Variants in LDAH observed in about 807,000 individuals in gnomAD.
LDAH encodes lipid droplet associated hydrolase.
LDAH carries 26 observed loss-of-function variants against 29.6 expected under a neutral mutation model. The ratio of observed to expected loss-of-function variants is 0.88; its 90% CI spans 0.64 to 1.22. LDAH has a LOEUF of 1.22. LDAH is among the 50% of genes most tolerant of loss of function. LDAH has a pLI of 0.00. For synonymous variants in LDAH, 117 were observed against 133.0 expected, an observed-to-expected ratio of 0.88 and a Z score of 0.83; for missense variants, 344 against 387.3, an observed-to-expected ratio of 0.89 and a Z score of 0.94.
chr2:20,734,474 T>C (rs1418033208), intron 5 of LDAH, among the ~76,000 whole-genome samples: 1 of 152,316 alleles, frequency 6.6e-6, no homozygotes, highest in East Asian at 1.9e-4. Flanking sequence ...TTCTAGGTAC[T>C]ACATTACATA....
chr2:20,764,914 C>G (rs998619363), intron 4 of LDAH, among the ~76,000 whole-genome samples: 1 of 152,132 alleles, frequency 6.6e-6, no homozygotes, highest in Non-Finnish European at 1.5e-5. Context: ...GTTAAAATAC[C>G]TTGTTACATG....
Position 20,778,420 on chromosome 2 carries a change from CCA to C in LDAH, c.299-3443_299-3442del, listed in dbSNP as rs148488782. Among the ~76,000 whole-genome samples, 1,279 of 152,214 alleles carry C rather than the reference CCA, an allele frequency of 8.4e-3. 18 individuals are homozygous for C. The highest frequency in any genetic ancestry group is 0.027 in the African/African-American group (1,137 of 41,520). On this transcript the variant is annotated intron_variant, in intron 3 of 6. Transcript: ENST00000237822. Reference sequence around the variant, plus strand: ...TGTCTAATCGTTCAAATTTGCTGCTCCAGTTATTAAAGTTATTAAGCAGTCAT... The same window carrying C: ...TGTCTAATCGTTCAAATTTGCTGCTCGTTATTAAAGTTATTAAGCAGTCAT...
chr2:20,711,761 C>T (rs1013091436), intron 5 of LDAH, among the ~76,000 whole-genome samples: 6 of 152,242 alleles, frequency 3.9e-5, no homozygotes, highest in East Asian at 1.9e-4. Context: ...GCGGGTCCCA[C>T]GCCCACAGAG....
intron 1 of LDAH, among the ~76,000 whole-genome samples, chr2:20,811,898 T>C (rs1253507907): frequency 6.6e-6 from 1 of 152,160 alleles, no homozygotes; most frequent in Non-Finnish European, 1.5e-5. Context: ...CCTGTTTAGA[T>C]TATTTTGATA....
intron 4 of LDAH, among the ~76,000 whole-genome samples, chr2:20,753,519 T>G (rs1444135543): frequency 6.6e-6 from 1 of 152,220 alleles, no homozygotes; most frequent in Non-Finnish European, 1.5e-5. Flanking sequence ...TTAATGGCAG[T>G]TTTTACTTCT....
Position 20,708,568 on chromosome 2 carries a change from G to A in LDAH, c.704-6916C>T, listed in dbSNP as rs1288575355. On this transcript the variant is annotated intron_variant, in intron 5 of 6. Transcript: ENST00000237822. ...GATCAGTCAAAACTGATGCAGAAAT[G>A]ACAAAGATAATAAAATTAATAAACA... 2.6e-5 allele frequency among the ~76,000 whole-genome samples: 4 copies of A among 152,176 alleles called. No individual in the cohort carries two copies. The East Asian group carries it at 5.8e-4, about 22-fold the overall frequency.
chr2:20,774,786 A>G (rs200241987), intron 4 of LDAH, 24 bp downstream of exon 4: 74 of 1,611,214 alleles, frequency 4.6e-5, no homozygotes, highest in Non-Finnish European at 5.1e-6. Flanking sequence ...CAGCACCCAC[A>G]GTTACCTCTG....
At chr2:20,724,501 T>C (rs1572482560) in intron 5 of LDAH, among the ~76,000 whole-genome samples, 1 of 152,288 alleles carries the variant, frequency 6.6e-6, no homozygotes. Flanking sequence ...GTTACTCAGC[T>C]AGTGCTTTGG....
At chr2:20,796,804 A>G (rs1193049394) in intron 2 of LDAH, among the ~76,000 whole-genome samples, 1 of 152,144 alleles carries the variant, frequency 6.6e-6, no homozygotes, top group Non-Finnish European at 1.5e-5. Flanking sequence ...TAAGAACCAC[A>G]GGCCTAGTAT....
At position 20,760,329 on chromosome 2, in the gene LDAH, C is replaced by G. The variant is rs554113109; in HGVS notation, c.468+14481G>C. Among the ~76,000 whole-genome samples, 7 of 152,292 alleles carry G rather than the reference C, an allele frequency of 4.6e-5. No individual in the cohort carries two copies. The South Asian group carries it at 1.5e-3, about 32-fold the overall frequency. On this transcript the variant is annotated intron_variant, in intron 4 of 6. Coordinates refer to ENST00000237822, the MANE Select transcript of LDAH (RefSeq NM_021925.4). ...TTCCTGCAAAGAAAACAAGGAGTTG[C>G]TATTACCCTTTTACTTTCTTCTTGA...
chr2:20,810,433 C>CCCAT (rs1342836602), intron 1 of LDAH, among the ~76,000 whole-genome samples: 2 of 152,244 alleles, frequency 1.3e-5, no homozygotes, highest in South Asian at 4.2e-4. Context: ...TAGACAGAAG[C>CCCAT]CCATCAATAT....
intron 3 of LDAH, among the ~76,000 whole-genome samples, chr2:20,788,375 C>T (rs1462124026): frequency 1.3e-5 from 2 of 152,060 alleles, no homozygotes; most frequent in Admixed American, 6.5e-5. Context: ...TTTATTGCCA[C>T]CACATTCAAA....
intron 5 of LDAH, among the ~76,000 whole-genome samples, chr2:20,703,017 G>T (rs763412306): frequency 7.2e-5 from 11 of 152,128 alleles, no homozygotes; most frequent in African/African-American, 1.2e-4. Context: ...GTAGAGACAG[G>T]GTTTCACCAT....
At chr2:20,764,598 C>A (rs774203151) in intron 4 of LDAH, among the ~76,000 whole-genome samples, 7 of 152,232 alleles carry the variant, frequency 4.6e-5, no homozygotes, top group Non-Finnish European at 8.8e-5. Flanking sequence ...TCTCTCTGAA[C>A]TCCTCCCAAT....
rs558306851 is a variant in LDAH, at chr2:20,754,923, G to A, written c.469-14718C>T. ...GGAAAATGCTATCAAGGACATTAGT[G>A]GGCCAAATGACAAAATGGGAATATG... is the stretch of plus-strand genomic sequence containing the variant. On this transcript the variant is annotated intron_variant, in intron 4 of 6. Coordinates refer to ENST00000237822, the MANE Select transcript of LDAH (RefSeq NM_021925.4). 1.2e-3 allele frequency among the ~76,000 whole-genome samples: 179 copies of A among 152,154 alleles called. 2 individuals carry two copies. The highest frequency in any genetic ancestry group is 4.0e-3 in the African/African-American group (167 of 41,482).
chr2:20,753,433 T>C (rs1319668120), intron 4 of LDAH, among the ~76,000 whole-genome samples: 3 of 152,224 alleles, frequency 2.0e-5, no homozygotes, highest in African/African-American at 4.8e-5. Context: ...GCTGATGGGA[T>C]ACATTTTCAA....
At chr2:20,741,582 C>G (rs1342889891) in intron 4 of LDAH, among the ~76,000 whole-genome samples, 1 of 152,178 alleles carries the variant, frequency 6.6e-6, no homozygotes, top group Non-Finnish European at 1.5e-5. Flanking sequence ...TTACTTCTGT[C>G]TATTTGAGGC....
intron 2 of LDAH, among the ~76,000 whole-genome samples, chr2:20,794,007 G>A (rs1275430930): frequency 2.6e-5 from 4 of 152,042 alleles, no homozygotes; most frequent in African/African-American, 9.7e-5. Context: ...CTGTTTTCAT[G>A]CTGCTGATAA....
chr2:20,749,056 T>C (rs1188761253), intron 4 of LDAH, among the ~76,000 whole-genome samples: 2 of 152,300 alleles, frequency 1.3e-5, no homozygotes, highest in South Asian at 2.1e-4. Context: ...TGTTCATTCA[T>C]GAAGATATAC....
Sources: allele counts gnomAD v4.1 joint callset (sites outside exome capture counted in the v4.1 genomes callset), GRCh38; gene constraint gnomAD v4.1.1; transcripts MANE v1.5; gene names NCBI Gene and HGNC (gene_info 2026-07-23, HGNC 2026-07-21).